ECT2: variants seen among roughly 807,000 people sequenced by gnomAD.
ECT2 encodes the protein protein ECT2.
Under a neutral mutation model 116.9 loss-of-function variants are expected in ECT2, and 61 were observed. The observed-to-expected ratio is 0.52, with a 90% CI of 0.42 to 0.65. The LOEUF (loss-of-function observed/expected upper bound fraction) is 0.65, where lower values mean the gene tolerates loss of function less well. Among genes scored for constraint, ECT2 ranks in the 30% least tolerant of loss-of-function variants. ECT2 has a pLI of 0.00. For synonymous variants in ECT2, 358 were observed against 346.4 expected, an observed-to-expected ratio of 1.03 and a Z score of -0.37; for missense variants, 937 against 1,078.7, an observed-to-expected ratio of 0.87 and a Z score of 1.84.
At chr3:172,765,046 C>T (rs2108363598) in intron 12 of ECT2, among the ~76,000 whole-genome samples, 1 of 152,320 alleles carries the variant, frequency 6.6e-6, no homozygotes, top group Non-Finnish European at 1.5e-5. Context: ...CTCCGGACCT[C>T]ATGACACTTT....
chr3:172,817,480 A>G (rs7617562), intron 24 of ECT2, among the ~76,000 whole-genome samples: 9,345 of 152,130 alleles, frequency 0.061, 972 homozygotes, highest in African/African-American at 0.21. Flanking sequence ...CTGTTTATAC[A>G]GATCGGTTCC....
chr3:172,755,991 C>T (rs1716914590), intron 4 of ECT2, among the ~76,000 whole-genome samples: 1 of 152,206 alleles, frequency 6.6e-6, no homozygotes, highest in South Asian at 2.1e-4. Flanking sequence ...CTCTTGAGGC[C>T]TCTCGCCTTG....
chr3:172,822,078 A>G (rs1386296200), downstream of ECT2, among the ~76,000 whole-genome samples: 4 of 151,962 alleles, frequency 2.6e-5, no homozygotes, highest in African/African-American at 9.7e-5. Context: ...TTTTATTAAG[A>G]GCACTTTTAG....
At chr3:172,815,953 G>A (rs1729626590) in intron 23 of ECT2, among the ~76,000 whole-genome samples, 1 of 152,086 alleles carries the variant, frequency 6.6e-6, no homozygotes, top group Admixed American at 6.6e-5. Context: ...TCCTGCAGTA[G>A]AAATGTACTG....
intron 17 of ECT2, 57 bp downstream of exon 17, chr3:172,784,860 C>A: frequency 2.8e-6 from 3 of 1,061,248 alleles, no homozygotes; most frequent in Non-Finnish European, 4.1e-6. Flanking sequence ...TTGTTTTTTC[C>A]AAAAAAGATG....
chr3:172,765,862 T>G (rs1719276435), intron 12 of ECT2, among the ~76,000 whole-genome samples: 1 of 152,164 alleles, frequency 6.6e-6, no homozygotes. Context: ...TCTTCAAATA[T>G]TTTTAGTACA....
intron 18 of ECT2, among the ~76,000 whole-genome samples, chr3:172,792,740 T>C (rs1168938058): frequency 3.3e-5 from 5 of 150,676 alleles, no homozygotes; most frequent in African/African-American, 1.2e-4. Context: ...GTGGAGGGGG[T>C]GGTATCTTAT....
intron 22 of ECT2, among the ~76,000 whole-genome samples, chr3:172,813,482 C>T (rs749959952): frequency 5.3e-5 from 8 of 151,900 alleles, no homozygotes; most frequent in Non-Finnish European, 8.8e-5. Flanking sequence ...GCTTTTCTAC[C>T]GCTAGTGTTC....
At chr3:172,793,268 C>T (rs1476394872) in intron 18 of ECT2, among the ~76,000 whole-genome samples, 6 of 152,018 alleles carry the variant, frequency 3.9e-5, no homozygotes, top group Non-Finnish European at 5.9e-5. Flanking sequence ...CTGGTTCAAG[C>T]GATTCTCCTG....
intron 22 of ECT2, among the ~76,000 whole-genome samples, chr3:172,808,823 T>C (rs931180472): frequency 6.6e-6 from 1 of 152,196 alleles, no homozygotes; most frequent in Admixed American, 6.5e-5. Context: ...AGGTTTAATG[T>C]GGTTTATAAA....
chr3:172,764,310 A>G lies in ECT2; in HGVS notation c.1101A>G (p.Ser367=), dbSNP rs931552588. 2 of 1,614,048 alleles carry G rather than the reference A, an allele frequency of 1.2e-6. No homozygotes were observed. Among genetic ancestry groups the G allele is most frequent in the African/African-American group, 2.7e-5 (2 of 74,928 alleles). The change falls in exon 12 of 25, where the codon TCA becomes TCG. Residue 367 remains serine (S), a synonymous_variant. Transcript: ENST00000392692. ...ANTPELKKSV[S]MLSLNTPNSN... Reference sequence around the variant, plus strand: ...CTCCTGAGCTCAAGAAATCAGTGTCAATGCTTTCTCTAAATACCCCTAACA... The same window carrying G: ...CTCCTGAGCTCAAGAAATCAGTGTCGATGCTTTCTCTAAATACCCCTAACA...
At chr3:172,827,314 G>T in the ECT2 span, among the ~76,000 whole-genome samples, 1 of 152,166 alleles carries the variant, frequency 6.6e-6, no homozygotes, top group East Asian at 1.9e-4. Flanking sequence ...GTATATCAAA[G>T]AGATGTCTGC....
chr3:172,764,168 T>C, intron 11 of ECT2, 110 bp from the exon 12 acceptor site: 3 of 953,492 alleles, frequency 3.1e-6, no homozygotes, highest in Non-Finnish European at 4.7e-6. Context: ...GGTTATAAAA[T>C]TATTGTGCAA....
In ECT2 at chr3:172,802,662, T is replaced by C; in HGVS notation, c.1954T>C (p.Phe652Leu). Residue 652 changes from phenylalanine to leucine, a missense_variant, in exon 19 of 25, where the codon TTT becomes CTT. Phe to Leu is a conservative substitution (Grantham distance 22). Coordinates refer to ENST00000392692, the MANE Select transcript of ECT2 (RefSeq NM_001258315.2). ...AAAAACAGAAGCTCAAAAGCAAATT[T>C]TTGATGTTGTTTATGAAGTAGATGG... is the stretch of plus-strand genomic sequence containing the variant. ...KRKTEAQKQI[F>L]DVVYEVDGCP... is the part of the protein sequence containing the mutation. 6.2e-7 allele frequency: 1 copy of C among 1,603,468 alleles called. No homozygotes were observed. The highest frequency in any genetic ancestry group is 8.5e-7 in the Non-Finnish European group (1 of 1,174,978).
At chr3:172,819,792 C>T (rs1297228975) in intron 24 of ECT2, among the ~76,000 whole-genome samples, 2 of 151,996 alleles carry the variant, frequency 1.3e-5, no homozygotes, top group African/African-American at 4.8e-5. Flanking sequence ...TAAGAAGAAA[C>T]CTTGTTTGCC....
chr3:172,778,261 G>A (rs982389335), intron 14 of ECT2, among the ~76,000 whole-genome samples: 5 of 152,264 alleles, frequency 3.3e-5, no homozygotes, highest in South Asian at 4.1e-4. Context: ...TTCTTTTAGA[G>A]GAAAAGTTAA....
downstream of ECT2, among the ~76,000 whole-genome samples, chr3:172,821,926 A>C (rs1218583094): frequency 1.3e-5 from 2 of 151,858 alleles, no homozygotes; most frequent in Admixed American, 1.3e-4. Flanking sequence ...TTTTACTGTT[A>C]TCTATCTGCC....
At chr3:172,777,767 C>T (rs1269068471) in intron 14 of ECT2, among the ~76,000 whole-genome samples, 3 of 152,068 alleles carry the variant, frequency 2.0e-5, no homozygotes, top group African/African-American at 4.8e-5. Context: ...GGTGTGGTGG[C>T]GCATGCCTGT....
Position 172,783,862 on chromosome 3 carries a change from A to G in ECT2, c.1681A>G (p.Ile561Val), listed in dbSNP as rs748139962. Residue 561 changes from isoleucine to valine, a missense_variant, in exon 16 of 25, where the codon ATT becomes GTT. Physicochemically the swap from Ile to Val is conservative, Grantham distance 29. Transcript: ENST00000392692. ...VNFFEMSKET[I>V]IKCEKQKPRF... Reference sequence around the variant, plus strand: ...CTTCTTTGAAATGAGCAAGGAAACAATTATTAAATGTGAAAAACAGAAACC... The same window carrying G: ...CTTCTTTGAAATGAGCAAGGAAACAGTTATTAAATGTGAAAAACAGAAACC... The G allele has an allele frequency of 1.3e-5, 21 of 1,607,252 alleles. No individual in the cohort carries two copies. The highest frequency in any genetic ancestry group is 1.7e-4 in the Middle Eastern group (1 of 6,058).
Sources: gnomAD v4.1 joint callset for allele counts (sites outside exome capture counted in the v4.1 genomes callset) on GRCh38, gnomAD v4.1.1 for gene constraint, MANE v1.5 for transcripts, NCBI Gene and HGNC (gene_info 2026-07-23, HGNC 2026-07-21) for gene names.